The following SORCS3 variants were observed in gnomAD, a reference collection of about 807,000 sequenced individuals.
The protein encoded by SORCS3 is VPS10 domain-containing receptor SorCS3.
Under a neutral mutation model 146.3 loss-of-function variants are expected in SORCS3, and 57 were observed. The observed-to-expected ratio is 0.39, with a 90% CI of 0.31 to 0.49. The LOEUF (loss-of-function observed/expected upper bound fraction) is 0.49, where lower values mean the gene tolerates loss of function less well. SORCS3 is among the 20% of genes least tolerant of loss of function. The pLI is 0.92. For synonymous variants in SORCS3, 653 were observed against 618.5 expected (o/e 1.06, Z -0.83); for missense variants, 1,341 against 1,575.5 (o/e 0.85, Z 2.52).
intron 1 of SORCS3, among the ~76,000 whole-genome samples, chr10:104,717,041 G>A (rs1416884574): frequency 2.0e-5 from 3 of 152,256 alleles, no homozygotes; most frequent in Non-Finnish European, 4.4e-5. Flanking sequence ...TGTAATTCCC[G>A]CCTTTGGAAG....
intron 3 of SORCS3, among the ~76,000 whole-genome samples, chr10:104,976,948 T>C (rs1399346495): frequency 6.6e-6 from 1 of 151,986 alleles, no homozygotes; most frequent in Non-Finnish European, 1.5e-5. Flanking sequence ...TTAGGAGATA[T>C]ATCTAATGCT....
At chr10:104,675,438 T>A (rs906465894) in intron 1 of SORCS3, among the ~76,000 whole-genome samples, 2 of 152,234 alleles carry the variant, frequency 1.3e-5, no homozygotes, top group Non-Finnish European at 2.9e-5. Flanking sequence ...TCTTTTAAGG[T>A]TATAAAATCT....
At chr10:104,766,785 T>C (rs2017185435) in intron 1 of SORCS3, among the ~76,000 whole-genome samples, 1 of 152,220 alleles carries the variant, frequency 6.6e-6, no homozygotes, top group South Asian at 2.1e-4. Flanking sequence ...TACCTCTGAA[T>C]GTGCTGTGTG....
intron 1 of SORCS3, among the ~76,000 whole-genome samples, chr10:104,736,951 C>A (rs1348818759): frequency 6.6e-6 from 1 of 151,972 alleles, no homozygotes; most frequent in South Asian, 2.1e-4. Context: ...CCACAACAGT[C>A]CCCAGAGTGT....
intron 1 of SORCS3, among the ~76,000 whole-genome samples, chr10:104,838,054 G>C (rs2133542813): frequency 6.6e-6 from 1 of 152,282 alleles, no homozygotes; most frequent in East Asian, 1.9e-4. Flanking sequence ...CTGTTTCAAA[G>C]GTTTTTTGTG....
In SORCS3 at chr10:104,641,776, C is replaced by T. The variant is rs919962541; in HGVS notation, c.449C>T (p.Pro150Leu). The part of the protein sequence containing the change: ...QERGDAWATA[P>L]ADGSRGSRPL... ...CGCGGGGACGCCTGGGCCACTGCTC[C>T]GGCCGATGGTTCCAGAGGAAGCCGT... is the stretch of plus-strand genomic sequence containing the variant. Residue 150 changes from proline (P) to leucine (L), a missense_variant, in exon 1 of 27, where the codon CCG becomes CTG. Coordinates refer to ENST00000369701, the MANE Select transcript of SORCS3 (RefSeq NM_014978.3). The surrounding 1 kb of genome is among the most constrained non-coding windows in gnomAD (Gnocchi z 6.4). 35 of 1,547,886 alleles carry T rather than the reference C, an allele frequency of 2.3e-5. No individual in the cohort carries two copies. Among genetic ancestry groups the T allele is most frequent in the South Asian group, 1.2e-5 (1 of 83,930 alleles).
intron 2 of SORCS3, among the ~76,000 whole-genome samples, chr10:104,883,022 G>T (rs956828528): frequency 6.6e-6 from 1 of 152,178 alleles, no homozygotes; most frequent in African/African-American, 2.4e-5. Flanking sequence ...GGTTACAGGT[G>T]GCTGTGCCAC....
At chr10:105,052,205 TG>T (rs1453933359) in intron 5 of SORCS3, among the ~76,000 whole-genome samples, 1 of 152,252 alleles carries the variant, frequency 6.6e-6, no homozygotes, top group African/African-American at 2.4e-5. Context: ...GGTCCTGCCT[TG>T]GGAGATCTGA....
chr10:104,694,522 T>G (rs1034475826), intron 1 of SORCS3, among the ~76,000 whole-genome samples: 13 of 152,042 alleles, frequency 8.6e-5, no homozygotes, highest in African/African-American at 3.1e-4. Context: ...GCAGCTAAGC[T>G]TCTCCCTAGG....
At chr10:105,162,242 A>G (rs376398119) in intron 11 of SORCS3, among the ~76,000 whole-genome samples, 141 of 152,296 alleles carry the variant, frequency 9.3e-4, no homozygotes, top group Middle Eastern at 3.4e-3. Context: ...AAAACTTCCA[A>G]AAAGGGCAAT....
intron 1 of SORCS3, among the ~76,000 whole-genome samples, chr10:104,682,200 A>C (rs2015985455): frequency 6.6e-6 from 1 of 152,242 alleles, no homozygotes; most frequent in East Asian, 1.9e-4. Flanking sequence ...TGGCCTCTCC[A>C]GAAAGCAGTT....
rs1281761643 is a variant in SORCS3 at position 105,217,103 on chromosome 10, C to T, written c.2715C>T (p.Val905=). 107 of 1,613,904 alleles carry T rather than the reference C, an allele frequency of 6.6e-5. No individual in the cohort carries two copies. The highest frequency in any genetic ancestry group is 8.6e-5 in the Non-Finnish European group (101 of 1,179,992). The change falls in exon 19 of 27, where the codon GTC becomes GTT. Residue 905 remains valine, a synonymous_variant. Coordinates refer to ENST00000369701, the MANE Select transcript of SORCS3 (RefSeq NM_014978.3). The part of the protein sequence containing the change: ...AENNLGSDTA[V]LFLHVVCPVE... ...ACAACCTTGGCTCAGACACAGCTGT[C>T]CTCTTCCTGCATGTGGTTTGTAAGT...
chr10:104,998,612 G>T (rs2055040814), intron 4 of SORCS3, among the ~76,000 whole-genome samples: 1 of 152,104 alleles, frequency 6.6e-6, no homozygotes, highest in Non-Finnish European at 1.5e-5. Flanking sequence ...TTCAGGGGTT[G>T]CTTTCTCTGG....
chr10:104,847,110 G>A (rs1054935221), intron 2 of SORCS3, among the ~76,000 whole-genome samples: 1 of 152,224 alleles, frequency 6.6e-6, no homozygotes, highest in Non-Finnish European at 1.5e-5. Context: ...TGCATATGGT[G>A]CATGCTTTGG....
chr10:104,693,142 G>T (rs1447619152), intron 1 of SORCS3, among the ~76,000 whole-genome samples: 3 of 152,210 alleles, frequency 2.0e-5, no homozygotes, highest in African/African-American at 7.2e-5. Flanking sequence ...AGCCTCTGTG[G>T]GGCTGGCAGA....
chr10:105,199,367 C>T (rs2056561714), intron 14 of SORCS3, among the ~76,000 whole-genome samples: 1 of 151,904 alleles, frequency 6.6e-6, no homozygotes, highest in Non-Finnish European at 1.5e-5. Context: ...AATATGAGTT[C>T]CTTTTATGAG....
At chr10:105,175,776 A>G (rs1490123213) in intron 13 of SORCS3, among the ~76,000 whole-genome samples, 1 of 152,336 alleles carries the variant, frequency 6.6e-6, no homozygotes, top group Non-Finnish European at 1.5e-5. Context: ...TTCAAGACAG[A>G]TGATGATAAT....
Position 105,104,872 on chromosome 10 carries a change from T to C in SORCS3, c.1094-525T>C, listed in dbSNP as rs532200791. ...CCACCGAATTCTTCTAATTGCAGCATAGTACTCTGTCATATGCATATATCA... is the reference window on the plus strand; with the variant it reads ...CCACCGAATTCTTCTAATTGCAGCACAGTACTCTGTCATATGCATATATCA... On this transcript the variant is annotated intron_variant, in intron 6 of 26. Coordinates refer to ENST00000369701, the MANE Select transcript of SORCS3 (RefSeq NM_014978.3). Among the ~76,000 whole-genome samples the C allele has an allele frequency of 2.6e-5, 4 of 152,210 alleles. No individual in the cohort carries two copies. In the South Asian group the frequency reaches 8.3e-4, roughly 31 times the overall value.
intron 9 of SORCS3, among the ~76,000 whole-genome samples, chr10:105,150,055 C>T (rs1042734432): frequency 6.6e-6 from 1 of 152,104 alleles, no homozygotes; most frequent in Non-Finnish European, 1.5e-5. Context: ...CGCACCCCTG[C>T]TTTGTGTTCA....
Sources: gnomAD v4.1 joint callset for allele counts (sites outside exome capture counted in the v4.1 genomes callset) on GRCh38, gnomAD v4.1.1 for gene constraint, Gnocchi (gnomAD v3.1) non-coding constraint, MANE v1.5 for transcripts, NCBI Gene and HGNC (gene_info 2026-07-23, HGNC 2026-07-21) for gene names.